The following PLCB1 variants were observed in gnomAD, a reference collection of about 807,000 sequenced individuals.
The protein encoded by PLCB1 is phospholipase C beta 1.
PLCB1 carries 46 observed loss-of-function variants against 161.8 expected under a neutral mutation model. The observed-to-expected ratio is 0.28, with a 90% CI of 0.22 to 0.36. PLCB1 has a LOEUF of 0.36. Ranked by LOEUF, PLCB1 falls within the 10% of genes least tolerant of loss-of-function variation. PLCB1 has a pLI of 1.00. For missense variants in PLCB1, 1,016 were observed against 1,472.5 expected (o/e 0.69, Z 5.07); for synonymous variants, 517 against 503.7 (o/e 1.03, Z -0.35).
At chr20:8,877,391 G>A (rs73089677) in intron 31 of PLCB1, among the ~76,000 whole-genome samples, 3,914 of 152,330 alleles carry the variant, frequency 0.026, 78 homozygotes, top group Middle Eastern at 0.075. Context: ...GCTGATGAAT[G>A]TGATTTGAAT....
intron 3 of PLCB1, among the ~76,000 whole-genome samples, chr20:8,538,952 C>T (rs1297458646): frequency 6.6e-6 from 1 of 151,836 alleles, no homozygotes; most frequent in East Asian, 1.9e-4. Context: ...TGCCACCACG[C>T]CAGCTAATTT....
intron 2 of PLCB1, among the ~76,000 whole-genome samples, chr20:8,181,626 T>C (rs1315906831): frequency 6.6e-6 from 1 of 152,094 alleles, no homozygotes; most frequent in Non-Finnish European, 1.5e-5. Flanking sequence ...TTCTCAGTGG[T>C]GACTAGAATG....
At chr20:8,620,164 A>C (rs186587406) in intron 3 of PLCB1, among the ~76,000 whole-genome samples, 9 of 152,346 alleles carry the variant, frequency 5.9e-5, no homozygotes, top group Admixed American at 5.2e-4. Flanking sequence ...TCACATGTAC[A>C]TAAAGAATTA....
intron 3 of PLCB1, among the ~76,000 whole-genome samples, chr20:8,436,659 A>G (rs1173800473): frequency 2.0e-5 from 3 of 151,952 alleles, no homozygotes; most frequent in African/African-American, 7.3e-5. Flanking sequence ...CATACTTTTA[A>G]CTACAAATCC....
chr20:8,276,916 GTCTTCTTCTTTTCTTCT>G (rs1982575194), intron 2 of PLCB1, among the ~76,000 whole-genome samples: 1 of 143,500 alleles, frequency 7.0e-6, no homozygotes, highest in African/African-American at 2.6e-5. Context: ...TAGCTTCTTC[GTCTTCTTCTTTTCTTCT>G]TCTTCTTCTT....
intron 2 of PLCB1, among the ~76,000 whole-genome samples, chr20:8,181,001 A>T (rs1392318522): frequency 4.6e-5 from 7 of 151,780 alleles, no homozygotes; most frequent in African/African-American, 1.7e-4. Flanking sequence ...GTAAAGAAGA[A>T]TATGATTGGG....
intron 3 of PLCB1, among the ~76,000 whole-genome samples, chr20:8,452,407 G>T (rs755516599): frequency 2.9e-4 from 44 of 152,158 alleles, no homozygotes; most frequent in Non-Finnish European, 5.4e-4. Context: ...AGATTTTGAG[G>T]AGAAAACTTA....
chr20:8,405,032 T>G (rs1978723029), intron 3 of PLCB1, among the ~76,000 whole-genome samples: 1 of 152,210 alleles, frequency 6.6e-6, no homozygotes, highest in South Asian at 2.1e-4. Context: ...ACTCTTTCAG[T>G]TCTCCATATA....
chr20:8,512,148 G>T (rs908879565), intron 3 of PLCB1, among the ~76,000 whole-genome samples: 4 of 152,050 alleles, frequency 2.6e-5, no homozygotes, highest in South Asian at 2.1e-4. Context: ...CATTCTTTTC[G>T]CATTAAAACA....
At chr20:8,716,180 G>A (rs1979299406) in intron 12 of PLCB1, 84 bp from the exon 13 acceptor site, 3 of 943,262 alleles carry the variant, frequency 3.2e-6, no homozygotes, top group Non-Finnish European at 5.1e-6. Context: ...ACTTCTTTCT[G>A]TAGTTAATAA....
rs941107759 is a variant in PLCB1 at position 8,834,814 on chromosome 20, A to G, written c.3423+44553A>G. ...TGGGCGATAGACTCTGCCTCAGAAA[A>G]AAAAAAAAAAAAAAAAAAAAAAACC... On this transcript the variant is annotated intron_variant, in intron 31 of 31. Coordinates refer to ENST00000338037, the MANE Select transcript of PLCB1 (RefSeq NM_015192.4). Among the ~76,000 whole-genome samples, 24 of 67,866 alleles carry G rather than the reference A, an allele frequency of 3.5e-4. 1 individual carries two copies. In the South Asian group the frequency reaches 3.8e-3, roughly 11 times the overall value. The allele number at this position is 67,866 out of a possible 152,430, so 44.5% of individuals were successfully genotyped here.
intron 31 of PLCB1, among the ~76,000 whole-genome samples, chr20:8,845,666 A>G (rs142224899): frequency 4.6e-5 from 7 of 152,244 alleles, no homozygotes; most frequent in African/African-American, 1.4e-4. Context: ...TTGGTTGACA[A>G]TTATATGGAG....
intron 3 of PLCB1, among the ~76,000 whole-genome samples, chr20:8,418,323 A>T (rs118137686): frequency 6.6e-6 from 1 of 152,282 alleles, no homozygotes; most frequent in Non-Finnish European, 1.5e-5. Context: ...CTCCCTGATC[A>T]TGTGTCAGCT....
intron 2 of PLCB1, among the ~76,000 whole-genome samples, chr20:8,366,657 G>A (rs1465592583): frequency 9.9e-5 from 15 of 152,170 alleles, no homozygotes; most frequent in Admixed American, 9.8e-4. Flanking sequence ...GACAAAAAGA[G>A]AGGGCATATC....
At chr20:8,259,567 G>A (rs1981593726) in intron 2 of PLCB1, among the ~76,000 whole-genome samples, 1 of 152,032 alleles carries the variant, frequency 6.6e-6, no homozygotes, top group Non-Finnish European at 1.5e-5. Context: ...TGTGATCCAA[G>A]ATCACACCAC....
intron 2 of PLCB1, among the ~76,000 whole-genome samples, chr20:8,183,799 T>A (rs1037741509): frequency 6.6e-6 from 1 of 152,152 alleles, no homozygotes; most frequent in Non-Finnish European, 1.5e-5. Flanking sequence ...TAGAAAAAAC[T>A]TCACTAATTT....
At chr20:8,859,622 T>C (rs1042246298) in intron 31 of PLCB1, among the ~76,000 whole-genome samples, 2 of 152,202 alleles carry the variant, frequency 1.3e-5, no homozygotes, top group African/African-American at 4.8e-5. Flanking sequence ...AAGCTGGCTA[T>C]TTTTTCAATC....
intron 3 of PLCB1, among the ~76,000 whole-genome samples, chr20:8,611,634 A>G (rs1026455289): frequency 2.6e-5 from 4 of 152,222 alleles, no homozygotes; most frequent in African/African-American, 9.6e-5. Flanking sequence ...GCCTAGTAAT[A>G]TCAACTAAAA....
At chr20:8,562,091 A>G (rs1393366411) in intron 3 of PLCB1, among the ~76,000 whole-genome samples, 7 of 152,016 alleles carry the variant, frequency 4.6e-5, no homozygotes, top group African/African-American at 1.4e-4. Context: ...AGCTTAGCCA[A>G]AGTCTTTCAG....
Sources: gnomAD v4.1 joint callset for allele counts (sites outside exome capture counted in the v4.1 genomes callset) on GRCh38, gnomAD v4.1.1 for gene constraint, MANE v1.5 for transcripts, NCBI Gene and HGNC (gene_info 2026-07-23, HGNC 2026-07-21) for gene names.